The following TIMD4 variants were observed in gnomAD, a reference collection of about 807,000 sequenced individuals.
TIMD4 encodes T cell immunoglobulin and mucin domain containing 4.
In TIMD4, 31 loss-of-function variants were observed where a neutral mutation model predicts 41.2. The observed-to-expected ratio is 0.75, with a 90% CI of 0.57 to 1.01. The LOEUF (loss-of-function observed/expected upper bound fraction) is 1.01, where lower values mean the gene tolerates loss of function less well. Ranked by LOEUF, TIMD4 falls within the 50% of genes least tolerant of loss-of-function variation. TIMD4 has a pLI of 0.00. For synonymous variants in TIMD4, 204 were observed against 177.1 expected (o/e 1.15, Z -1.21); for missense variants, 479 against 472.5 (o/e 1.01, Z -0.13).
intron 1 of TIMD4, among the ~76,000 whole-genome samples, chr5:156,961,499 G>A (rs530229128): frequency 6.6e-6 from 1 of 152,162 alleles, no homozygotes; most frequent in Non-Finnish European, 1.5e-5. Context: ...ATGGATGAAT[G>A]GATAAAGAAA....
chr5:156,956,136 C>T (rs1212577854), intron 1 of TIMD4, among the ~76,000 whole-genome samples: 1 of 152,112 alleles, frequency 6.6e-6, no homozygotes, highest in African/African-American at 2.4e-5. Flanking sequence ...CTATCCCACC[C>T]ACTCACCCAC....
chr5:156,922,658 G>T (rs948309166), intron 6 of TIMD4, among the ~76,000 whole-genome samples: 12 of 152,198 alleles, frequency 7.9e-5, no homozygotes, highest in Non-Finnish European at 1.6e-4. Flanking sequence ...AGATCAAAAT[G>T]ATTTTCATGA....
chr5:156,921,766 A>G (rs970470624), intron 7 of TIMD4, among the ~76,000 whole-genome samples: 1 of 152,184 alleles, frequency 6.6e-6, no homozygotes, highest in Non-Finnish European at 1.5e-5. Flanking sequence ...AGGAAATAGT[A>G]CTTTCCTCTT....
In TIMD4 at chr5:156,949,747, G is replaced by T. The variant is rs749331195; in HGVS notation, c.680-16C>A. 2 of 1,585,966 alleles carry T rather than the reference G, an allele frequency of 1.3e-6. No individual in the cohort carries two copies. Among genetic ancestry groups the T allele is most frequent in the Non-Finnish European group, 1.7e-6 (2 of 1,155,040 alleles). The stretch of plus-strand genomic sequence containing the variant: ...GTTTCTGATTCTGGAAGAGAAAAAA[G>T]TTGGATAAAAGGCAGCTGAAAAGTA... On this transcript the variant is annotated splice_polypyrimidine_tract_variant and intron_variant, in intron 3 of 8. Transcript: ENST00000274532.
chr5:156,924,567 T>G (rs1202492577), intron 6 of TIMD4: 1 of 301,098 alleles, frequency 3.3e-6, no homozygotes, highest in Non-Finnish European at 6.8e-6. Flanking sequence ...CTCTATCCAT[T>G]ATCCACAGCA....
At chr5:156,959,324 T>A (rs1760036577) in intron 1 of TIMD4, among the ~76,000 whole-genome samples, 2 of 152,134 alleles carry the variant, frequency 1.3e-5, no homozygotes, top group African/African-American at 4.8e-5. Context: ...CTCATTATCA[T>A]CACAAGGCAA....
chr5:156,944,111 T>C (rs140606457), intron 5 of TIMD4, among the ~76,000 whole-genome samples: 439 of 152,026 alleles, frequency 2.9e-3, no homozygotes, highest in African/African-American at 0.01. Context: ...AGGCGAAAAG[T>C]ATGATCAGAG....
At chr5:156,921,300 A>G (rs1759233044) in intron 7 of TIMD4, among the ~76,000 whole-genome samples, 1 of 152,054 alleles carries the variant, frequency 6.6e-6, no homozygotes, top group Non-Finnish European at 1.5e-5. Context: ...CAGGTTAAGA[A>G]AGCTTGCTTT....
intron 5 of TIMD4, among the ~76,000 whole-genome samples, chr5:156,943,188 G>T (rs1272223737): frequency 6.6e-6 from 1 of 152,094 alleles, no homozygotes; most frequent in Non-Finnish European, 1.5e-5. Context: ...GAAAATGAAG[G>T]TTTGTGATCT....
At chr5:156,925,114 G>A (rs1230211395) in intron 6 of TIMD4, among the ~76,000 whole-genome samples, 1 of 152,182 alleles carries the variant, frequency 6.6e-6, no homozygotes, top group African/African-American at 2.4e-5. Context: ...CTGAAGACCA[G>A]CCTGGCCAAC....
intron 1 of TIMD4, among the ~76,000 whole-genome samples, chr5:156,962,480 G>A (rs116392997): frequency 0.029 from 4,388 of 152,254 alleles, 207 homozygotes; most frequent in African/African-American, 0.096. Flanking sequence ...CACAGATTGT[G>A]ACAACTGGTC....
At chr5:156,921,996 C>G (rs1345708337) in intron 7 of TIMD4, 103 bp downstream of exon 7, 18 of 833,858 alleles carry the variant, frequency 2.2e-5, no homozygotes, top group Non-Finnish European at 3.2e-5. Context: ...AGAACTGAGC[C>G]TCTTTGGGGA....
At chr5:156,955,250 C>T (rs1282361491) in intron 1 of TIMD4, among the ~76,000 whole-genome samples, 1 of 152,170 alleles carries the variant, frequency 6.6e-6, no homozygotes, top group Admixed American at 6.6e-5. Context: ...GAGTTCCATT[C>T]GCTAACCAAT....
intron 5 of TIMD4, among the ~76,000 whole-genome samples, chr5:156,938,335 AG>A (rs1426572816): frequency 6.6e-6 from 1 of 152,174 alleles, no homozygotes; most frequent in Non-Finnish European, 1.5e-5. Flanking sequence ...GACTCATCTG[AG>A]GTTTGTTAAA....
intron 1 of TIMD4, among the ~76,000 whole-genome samples, chr5:156,959,915 C>T (rs370544894): frequency 7.4e-4 from 113 of 152,022 alleles, no homozygotes; most frequent in African/African-American, 2.5e-3. Flanking sequence ...TGGTGGCGGG[C>T]GCCTGCAATC....
intron 1 of TIMD4, among the ~76,000 whole-genome samples, chr5:156,955,427 C>T (rs1214128861): frequency 5.3e-5 from 8 of 152,202 alleles, no homozygotes; most frequent in African/African-American, 1.9e-4. Context: ...GAGGCCGAGG[C>T]AGGCGGATCA....
chr5:156,959,265 G>T (rs1324841130), intron 1 of TIMD4, among the ~76,000 whole-genome samples: 1 of 152,130 alleles, frequency 6.6e-6, no homozygotes, highest in African/African-American at 2.4e-5. Flanking sequence ...ACCCCATTCT[G>T]CCATTTACTG....
Position 156,951,573 on chromosome 5 carries a change from CG to C in TIMD4, c.617del (p.Pro206ArgfsTer8). On this transcript the variant is annotated frameshift_variant, in exon 3 of 9. Transcript: ENST00000274532. LOFTEE classifies it high-confidence loss of function. ...TCLSLTPSTL[P>X]EEATGLLTPE... ...GAGTCAGAAGACCTGTGGCTTCCTC[CG>C]GAAGGGTGCTTGGGGTTAGTGAAAG... 1 of 1,614,084 alleles carries C rather than the reference CG, an allele frequency of 6.2e-7. No homozygotes were observed. The highest frequency in any genetic ancestry group is 8.5e-7 in the Non-Finnish European group (1 of 1,180,036).
At position 156,940,573 on chromosome 5, in the gene TIMD4, G is replaced by A. The variant is rs372340963; in HGVS notation, c.844+7843C>T. Among the ~76,000 whole-genome samples, 647 of 149,406 alleles carry A rather than the reference G, an allele frequency of 4.3e-3. 3 individuals are homozygous for A. Among genetic ancestry groups the A allele is most frequent in the African/African-American group, 0.015 (602 of 39,886 alleles). ...GGGAGTGCCTCTGCCCCGCCGCCCCGTCTGGGATGTGAGGAGCGCCTCTGC... is the reference window on the plus strand; with the variant it reads ...GGGAGTGCCTCTGCCCCGCCGCCCCATCTGGGATGTGAGGAGCGCCTCTGC... On this transcript the variant is annotated intron_variant, in intron 5 of 8. Coordinates refer to ENST00000274532, the MANE Select transcript of TIMD4 (RefSeq NM_138379.3).
Sources: gnomAD v4.1 joint callset for allele counts (sites outside exome capture counted in the v4.1 genomes callset) on GRCh38, gnomAD v4.1.1 for gene constraint, MANE v1.5 for transcripts, NCBI Gene and HGNC (gene_info 2026-07-23, HGNC 2026-07-21) for gene names.